DAB1: variants seen among roughly 807,000 people sequenced by gnomAD.
DAB1 encodes DAB adaptor protein 1, also known as disabled homolog 1.
Under a neutral mutation model 64.6 loss-of-function variants are expected in DAB1, and 15 were observed. That is an observed-to-expected ratio of 0.23 (90% confidence interval 0.16 to 0.36). The LOEUF is 0.36. DAB1 is among the 10% of genes least tolerant of loss of function. The pLI, the probability that DAB1 is intolerant of heterozygous loss-of-function variation, is 1.00. For missense variants in DAB1, 596 were observed against 706.7 expected, an observed-to-expected ratio of 0.84 and a Z score of 1.78; for synonymous variants, 235 against 251.9, an observed-to-expected ratio of 0.93 and a Z score of 0.64.
At chr1:57,033,415 C>A in intron 9 of DAB1, 1 of 1,612,924 alleles carries the variant, frequency 6.2e-7, no homozygotes, top group Non-Finnish European at 8.5e-7. Context: ...TCATCAAAGT[C>A]TGTGGGCAGG....
chr1:57,279,239 T>C (rs567427119), intron 2 of DAB1, among the ~76,000 whole-genome samples: 5 of 152,246 alleles, frequency 3.3e-5, no homozygotes, highest in Admixed American at 2.6e-4. Context: ...TCAAGTTCTT[T>C]ATATAAAATG....
intron 4 of DAB1, among the ~76,000 whole-genome samples, chr1:58,312,865 C>T (rs769821042): frequency 6.6e-5 from 10 of 151,878 alleles, no homozygotes; most frequent in Non-Finnish European, 1.3e-4. Flanking sequence ...GGCAGTACTA[C>T]CTAATGAATA....
At chr1:58,269,121 G>T (rs1431820885) in intron 4 of DAB1, among the ~76,000 whole-genome samples, 1 of 148,882 alleles carries the variant, frequency 6.7e-6, no homozygotes, top group South Asian at 2.2e-4. Context: ...CCACTAACTC[G>T]TCATCTAGCA....
chr1:58,326,085 G>A (rs185663588), intron 4 of DAB1, among the ~76,000 whole-genome samples: 15 of 152,210 alleles, frequency 9.9e-5, no homozygotes, highest in Admixed American at 4.6e-4. Context: ...ATTCAGCTTC[G>A]TAATTACGTG....
At chr1:57,820,336 A>T (rs1172249162) in intron 6 of DAB1, among the ~76,000 whole-genome samples, 3 of 152,188 alleles carry the variant, frequency 2.0e-5, no homozygotes, top group Non-Finnish European at 4.4e-5. Flanking sequence ...AGCTCTGAAT[A>T]ATACACACTG....
chr1:57,444,025 A>T (rs1686048019), intron 7 of DAB1, among the ~76,000 whole-genome samples: 1 of 152,110 alleles, frequency 6.6e-6, no homozygotes, highest in Non-Finnish European at 1.5e-5. Context: ...CCCCATCATC[A>T]GCTTACTCCA....
At chr1:58,375,223 T>C (rs1178031421) in intron 3 of DAB1, among the ~76,000 whole-genome samples, 4 of 146,942 alleles carry the variant, frequency 2.7e-5, no homozygotes, top group Admixed American at 2.1e-4. Context: ...CTATGTTGAA[T>C]AGGAGCGGTG....
chr1:58,448,607 T>TTA (rs1226439978), intron 3 of DAB1, among the ~76,000 whole-genome samples: 1 of 152,038 alleles, frequency 6.6e-6, no homozygotes, highest in Non-Finnish European at 1.5e-5. Flanking sequence ...GGAGCTCCAA[T>TTA]TATAGGAGGA....
At position 57,231,537 on chromosome 1, in the gene DAB1, G is replaced by A. The variant is rs373158972; in HGVS notation, c.67+59427C>T. On this transcript the variant is annotated intron_variant, in intron 2 of 14. Transcript: ENST00000371236. ...ATGAAAAAGAGAAAAGAAAACAAGTGCTTACTGATTACATGCTGTATGCCA... is the reference window on the plus strand; with the variant it reads ...ATGAAAAAGAGAAAAGAAAACAAGTACTTACTGATTACATGCTGTATGCCA... 5.3e-4 allele frequency among the ~76,000 whole-genome samples: 80 copies of A among 152,294 alleles called. 1 individual carries two copies. The South Asian group carries it at 0.014, about 26-fold the overall frequency.
intron 5 of DAB1, among the ~76,000 whole-genome samples, chr1:58,117,899 C>T (rs1162420498): frequency 2.7e-5 from 4 of 149,448 alleles, no homozygotes; most frequent in South Asian, 2.1e-4. Flanking sequence ...GGGGTACAGA[C>T]ATTGCTCTTT....
intron 5 of DAB1, among the ~76,000 whole-genome samples, chr1:57,990,369 T>C (rs1008604858): frequency 6.6e-6 from 1 of 152,256 alleles, no homozygotes; most frequent in Non-Finnish European, 1.5e-5. Context: ...GCCCATGCTC[T>C]TCACCAACAA....
chr1:57,546,147 G>C (rs1281185404), intron 7 of DAB1, among the ~76,000 whole-genome samples: 1 of 151,744 alleles, frequency 6.6e-6, no homozygotes. Flanking sequence ...ATAATGGGGA[G>C]AGAAGAGAAG....
chr1:58,328,512 A>G (rs1047485288), intron 4 of DAB1, among the ~76,000 whole-genome samples: 1 of 152,196 alleles, frequency 6.6e-6, no homozygotes, highest in Admixed American at 6.5e-5. Context: ...CCTTTGCCGC[A>G]GCAGCCACAC....
chr1:58,296,708 A>T (rs1429817010), intron 4 of DAB1, among the ~76,000 whole-genome samples: 1 of 152,176 alleles, frequency 6.6e-6, no homozygotes, highest in Non-Finnish European at 1.5e-5. Flanking sequence ...TATTTATCAT[A>T]ACAGTTGTTA....
At chr1:57,364,904 A>C (rs975777212) in intron 1 of DAB1, among the ~76,000 whole-genome samples, 1 of 149,254 alleles carries the variant, frequency 6.7e-6, no homozygotes, top group African/African-American at 2.4e-5. Context: ...ATAACACAAA[A>C]TTCAGGTTAG....
chr1:57,632,146 G>A (rs377418296), intron 7 of DAB1, among the ~76,000 whole-genome samples: 149 of 152,288 alleles, frequency 9.8e-4, no homozygotes, highest in African/African-American at 3.5e-3. Flanking sequence ...ATATTAGAGA[G>A]TCTCCAAAGG....
rs576410893 is a variant in DAB1, at chr1:58,356,742, T to C, written n.258-13339A>G. On this transcript the variant is annotated intron_variant and non_coding_transcript_variant, in intron 3 of 20. Coordinates refer to the DAB1 transcript ENST00000485760. Reference sequence around the variant, plus strand: ...TTTTTTTCCCCTAAAGATATTTGGCTGGGTGCTGTGGCTCATGTCTGTAAT... The same window carrying C: ...TTTTTTTCCCCTAAAGATATTTGGCCGGGTGCTGTGGCTCATGTCTGTAAT... Among the ~76,000 whole-genome samples, 108 of 152,198 alleles carry C rather than the reference T, an allele frequency of 7.1e-4. 4 individuals carry two copies. The South Asian group carries it at 0.022, about 31-fold the overall frequency.
chr1:57,448,006 C>G (rs893857629), intron 7 of DAB1, among the ~76,000 whole-genome samples: 1 of 152,150 alleles, frequency 6.6e-6, no homozygotes, highest in Non-Finnish European at 1.5e-5. Flanking sequence ...AAATAGGGAA[C>G]AAATTGTTCC....
At chr1:57,933,901 C>CT (rs750638241) in intron 5 of DAB1, among the ~76,000 whole-genome samples, 23,714 of 146,136 alleles carry the variant, frequency 0.16, 2,750 homozygotes, top group African/African-American at 0.33. Flanking sequence ...TGTGGTCAGT[C>CT]TTTTTTTTTT....
Sources: allele counts gnomAD v4.1 joint callset (sites outside exome capture counted in the v4.1 genomes callset), GRCh38; gene constraint gnomAD v4.1.1; transcripts MANE v1.5; gene names NCBI Gene and HGNC (gene_info 2026-07-23, HGNC 2026-07-21).